The following CERS4 variants were observed in gnomAD, a reference collection of about 807,000 sequenced individuals.
CERS4 encodes the protein ceramide synthase 4.
In CERS4, 65 loss-of-function variants were observed where a neutral mutation model predicts 51.8. The ratio of observed to expected loss-of-function variants is 1.26; its 90% confidence interval spans 1.03 to 1.54. The LOEUF is 1.54. Among genes scored for constraint, CERS4 ranks in the 40% most tolerant of loss-of-function variants. CERS4 has a pLI of 0.00. For missense variants in CERS4, 563 were observed against 500.4 expected (o/e 1.13, Z -1.19); for synonymous variants, 228 against 208.4 (o/e 1.09, Z -0.81).
At chr19:8,245,956 A>C (rs1968768657) in intron 2 of CERS4, among the ~76,000 whole-genome samples, 1 of 145,484 alleles carries the variant, frequency 6.9e-6, no homozygotes, top group African/African-American at 2.5e-5. Flanking sequence ...AAGGTGGCTC[A>C]TGCCTATAAT....
chr19:8,233,642 A>G (rs956232549), intron 2 of CERS4, among the ~76,000 whole-genome samples: 28 of 152,152 alleles, frequency 1.8e-4, no homozygotes, highest in African/African-American at 5.8e-4. Context: ...TTTTAACTCC[A>G]TAATCCTCCC....
At chr19:8,254,821 C>G (rs1969289664) in intron 4 of CERS4, among the ~76,000 whole-genome samples, 1 of 152,024 alleles carries the variant, frequency 6.6e-6, no homozygotes, top group African/African-American at 2.4e-5. Flanking sequence ...CCCACCCCTC[C>G]CAGCATCCCT....
At position 8,261,925 on chromosome 19, in the gene CERS4, C is replaced by T. The variant is rs368707575; in HGVS notation, c.1006-5C>T. ...CTGAGCTCCATCCCTCTCTCTGTTC[C>T]CCAGATGGAGAAGGACATTCGTAGT... On this transcript the variant is annotated splice_region_variant and splice_polypyrimidine_tract_variant and intron_variant, in intron 11 of 11. Transcript: ENST00000251363. 334 of 1,608,826 alleles carry T rather than the reference C, an allele frequency of 2.1e-4. No homozygotes were observed. Among genetic ancestry groups the T allele is most frequent in the Non-Finnish European group, 2.7e-4 (323 of 1,176,980 alleles).
In CERS4 at chr19:8,224,766, C is replaced by A. The variant is rs919007920; in HGVS notation, c.-2+13904C>A. Among the ~76,000 whole-genome samples the A allele has an allele frequency of 5.9e-5, 9 of 152,140 alleles. No individual in the cohort carries two copies. In the South Asian group the frequency reaches 1.5e-3, roughly 25 times the overall value. ...ATCAAGAAATGGGAGCCGTGGAAAT[C>A]GGGCAGAGGAGGGACTGTCGCGGGA... On this transcript the variant is annotated intron_variant, in intron 2 of 11. Coordinates refer to ENST00000251363, the MANE Select transcript of CERS4 (RefSeq NM_024552.3).
intron 2 of CERS4, among the ~76,000 whole-genome samples, chr19:8,214,868 T>C (rs1363637932): frequency 6.9e-6 from 1 of 144,748 alleles, no homozygotes; most frequent in African/African-American, 2.6e-5. Flanking sequence ...GATGAGCGTA[T>C]GGAAGCAGAG....
At chr19:8,261,109 GT>G (rs1319721352) in intron 10 of CERS4, 1 of 156,666 alleles carries the variant, frequency 6.4e-6, no homozygotes, top group Non-Finnish European at 1.4e-5. Flanking sequence ...ACTGGCTTGG[GT>G]TGCACAGTGA....
Position 8,255,763 on chromosome 19 carries a change from G to C in CERS4, c.410+38G>C, listed in dbSNP as rs62124261. On this transcript the variant is annotated intron_variant, in intron 5 of 11. Coordinates refer to ENST00000251363, the MANE Select transcript of CERS4 (RefSeq NM_024552.3). ...TGGGGCTTCTGGGGTGCAGGGAAGCGGGCCGGGGTGGGGCGGGGCGGGTGT... is the reference window on the plus strand; with the variant it reads ...TGGGGCTTCTGGGGTGCAGGGAAGCCGGCCGGGGTGGGGCGGGGCGGGTGT... 3.1e-6 allele frequency: 5 copies of C among 1,595,358 alleles called. No individual in the cohort carries two copies. In the South Asian group the frequency reaches 3.3e-5, roughly 11 times the overall value.
At chr19:8,256,081 A>C (rs1485729777) in intron 6 of CERS4, 155 bp from the exon 7 acceptor site, 2 of 958,016 alleles carry the variant, frequency 2.1e-6, no homozygotes, top group Non-Finnish European at 3.1e-6. Context: ...TCTGCAGTGA[A>C]TGAGCCCCCC....
chr19:8,239,721 A>T (rs939305781), intron 2 of CERS4: 1 of 150,024 alleles, frequency 6.7e-6, no homozygotes, highest in East Asian at 2.0e-4. Context: ...ATGTTTATGG[A>T]GATCAAGCCA....
Position 8,210,860 on chromosome 19 carries a change from G to A in CERS4, c.-4G>A, listed in dbSNP as rs1297584036. 1 of 152,232 alleles carries A rather than the reference G, an allele frequency of 6.6e-6. No homozygotes were observed. Among genetic ancestry groups the A allele is most frequent in the African/African-American group, 2.4e-5 (1 of 41,438 alleles). 9.4% of individuals were successfully genotyped at this position (152,232 alleles called of 1,614,324 possible). ...TTTTCCAGCTCACCCACTGCCAGCAGAGGTACTTTGAGCCTGGGGTGTGGG... is the reference window on the plus strand; with the variant it reads ...TTTTCCAGCTCACCCACTGCCAGCAAAGGTACTTTGAGCCTGGGGTGTGGG... On this transcript the variant is annotated splice_region_variant and 5_prime_UTR_variant, in exon 2 of 12. Coordinates refer to ENST00000251363, the MANE Select transcript of CERS4 (RefSeq NM_024552.3). The surrounding 1 kb of genome is among the most constrained non-coding windows in gnomAD (Gnocchi z 4.2).
chr19:8,245,122 A>AAAAAAACAAAAAAAAAC (rs1968713517), intron 2 of CERS4, among the ~76,000 whole-genome samples: 1 of 129,282 alleles, frequency 7.7e-6, no homozygotes, highest in Non-Finnish European at 1.6e-5. Context: ...AAAAAAAAAA[A>AAAAAAACAAAAAAAAAC]AAAAAAAAAA....
At chr19:8,242,954 T>C (rs771092714) in intron 2 of CERS4, among the ~76,000 whole-genome samples, 1 of 135,380 alleles carries the variant, frequency 7.4e-6, no homozygotes, top group African/African-American at 2.7e-5. Context: ...CCAAGACCCT[T>C]GGGTGAGGGG....
At chr19:8,222,731 C>G (rs1967616952) in intron 2 of CERS4, among the ~76,000 whole-genome samples, 1 of 151,818 alleles carries the variant, frequency 6.6e-6, no homozygotes, top group Non-Finnish European at 1.5e-5. Flanking sequence ...CTCCTGACCT[C>G]AGATGATCCA....
intron 10 of CERS4, 131 bp downstream of exon 10, chr19:8,258,116 G>A: frequency 1.3e-6 from 1 of 757,942 alleles, no homozygotes; most frequent in East Asian, 2.5e-5. Flanking sequence ...AGGAGGCAGG[G>A]AAGGGTGTGC....
At chr19:8,212,822 A>G (rs1185134409) in intron 2 of CERS4, among the ~76,000 whole-genome samples, 2 of 150,636 alleles carry the variant, frequency 1.3e-5, no homozygotes, top group African/African-American at 4.9e-5. Flanking sequence ...TATTATTAGT[A>G]GAGATGAAGG....
chr19:8,236,318 T>C (rs1020400902), intron 2 of CERS4, among the ~76,000 whole-genome samples: 9 of 152,186 alleles, frequency 5.9e-5, no homozygotes, highest in Non-Finnish European at 8.8e-5. Context: ...ACATGACATA[T>C]GCGTTAGTAA....
At chr19:8,212,330 A>G (rs1967112866) in intron 2 of CERS4, among the ~76,000 whole-genome samples, 1 of 151,970 alleles carries the variant, frequency 6.6e-6, no homozygotes, top group Non-Finnish European at 1.5e-5. Flanking sequence ...ACTTGGGTGG[A>G]TCTTGGAGAG....
chr19:8,230,480 G>A (rs1288362081), intron 2 of CERS4, among the ~76,000 whole-genome samples: 2 of 152,096 alleles, frequency 1.3e-5, no homozygotes, highest in African/African-American at 4.8e-5. Flanking sequence ...GGGAGCCACT[G>A]TGCCCAGCCA....
chr19:8,243,058 G>A (rs190365040), intron 2 of CERS4, among the ~76,000 whole-genome samples: 1 of 151,712 alleles, frequency 6.6e-6, no homozygotes, highest in East Asian at 1.9e-4. Flanking sequence ...AAGGTAGCAG[G>A]GTCTCTGAGA....
Sources: gnomAD v4.1 joint callset for allele counts (sites outside exome capture counted in the v4.1 genomes callset) on GRCh38, gnomAD v4.1.1 for gene constraint, Gnocchi (gnomAD v3.1) non-coding constraint, MANE v1.5 for transcripts, NCBI Gene and HGNC (gene_info 2026-07-23, HGNC 2026-07-21) for gene names.